The following SVOPL variants were observed in gnomAD, a reference collection of about 807,000 sequenced individuals.
SVOPL encodes the protein SVOP like.
SVOPL carries 60 observed loss-of-function variants against 61.0 expected under a neutral mutation model. That is an observed-to-expected ratio of 0.98 (90% CI 0.80 to 1.22). The LOEUF is 1.22. Ranked by LOEUF, SVOPL falls within the 50% of genes most tolerant of loss-of-function variation. The probability of loss-of-function intolerance (pLI) is 0.00; values close to 1 mark genes in which losing one functional copy is unlikely to be tolerated. For synonymous variants in SVOPL, 279 were observed against 250.0 expected, an observed-to-expected ratio of 1.12 and a Z score of -1.09; for missense variants, 662 against 643.9, an observed-to-expected ratio of 1.03 and a Z score of -0.30.
At position 138,637,443 on chromosome 7, in the gene SVOPL, G is replaced by GATATATATATATATCTAT. The variant is rs1563108511; in HGVS notation, c.789+7273_789+7274insATAGATATATATATATAT. The stretch of plus-strand genomic sequence containing the variant: ...ACTCCATCTCATATATATATATATA[G>GATATATATATATATCTAT]ATAGATAGATAGATATATATATATA... On this transcript the variant is annotated intron_variant, in intron 9 of 15. Coordinates refer to ENST00000674285, the MANE Select transcript of SVOPL (RefSeq NM_001139456.2). Among the ~76,000 whole-genome samples, 55 of 127,074 alleles carry GATATATATATATATCTAT rather than the reference G, an allele frequency of 4.3e-4. 3 individuals are homozygous for GATATATATATATATCTAT. The South Asian group carries it at 0.012, about 29-fold the overall frequency. 83.4% of individuals were successfully genotyped at this position (127,074 alleles called of 152,430 possible). A position where few individuals can be genotyped will look rare whatever the true frequency, so the allele number is the denominator to read the frequency against.
chr7:138,681,112 G>T (rs1437431336), intron 1 of SVOPL, among the ~76,000 whole-genome samples: 2 of 149,412 alleles, frequency 1.3e-5, no homozygotes, highest in Non-Finnish European at 1.5e-5. Flanking sequence ...ATTTAGCTAC[G>T]TAAAAAATTT....
At chr7:138,643,255 T>G (rs1382054514) in intron 9 of SVOPL, among the ~76,000 whole-genome samples, 1 of 151,734 alleles carries the variant, frequency 6.6e-6, no homozygotes, top group African/African-American at 2.4e-5. Flanking sequence ...TGAAACCCCG[T>G]CTCTACTAAA....
At chr7:138,656,841 G>A (rs182631053) in intron 6 of SVOPL, among the ~76,000 whole-genome samples, 165 of 152,062 alleles carry the variant, frequency 1.1e-3, no homozygotes, top group African/African-American at 3.7e-3. Context: ...TCAGGAGTTC[G>A]AGACCAGCCT....
At chr7:138,632,987 T>G (rs928857931) in intron 9 of SVOPL, among the ~76,000 whole-genome samples, 1 of 152,210 alleles carries the variant, frequency 6.6e-6, no homozygotes. Flanking sequence ...CTAAAGATTA[T>G]GTTGTAGTCT....
In SVOPL at chr7:138,656,529, A is replaced by G; in HGVS notation, c.471-18T>C. The stretch of plus-strand genomic sequence containing the variant: ...TGATTAACCTAAACAGGAAGCAGGA[A>G]AAAGCATAATTTTGTTTTAAAAAAC... On this transcript the variant is annotated intron_variant, in intron 6 of 15. Transcript: ENST00000674285. 6.2e-7 allele frequency: 1 copy of G among 1,612,786 alleles called. No individual in the cohort carries two copies. Among genetic ancestry groups the G allele is most frequent in the Non-Finnish European group, 8.5e-7 (1 of 1,179,696 alleles).
chr7:138,621,878 C>CTATG (rs1563095609), intron 13 of SVOPL, among the ~76,000 whole-genome samples: 10 of 43,396 alleles, frequency 2.3e-4, no homozygotes, highest in South Asian at 6.7e-4. Flanking sequence ...ATCTATCTAT[C>CTATG]TATCTATCTA....
At chr7:138,666,033 A>G (rs549579416) in intron 4 of SVOPL, among the ~76,000 whole-genome samples, 12 of 152,364 alleles carry the variant, frequency 7.9e-5, no homozygotes, top group African/African-American at 2.6e-4. Flanking sequence ...ACAAAAAACA[A>G]GAAACTGCTT....
At chr7:138,622,819 T>G (rs1208694281) in intron 13 of SVOPL, among the ~76,000 whole-genome samples, 2 of 152,180 alleles carry the variant, frequency 1.3e-5, no homozygotes, top group African/African-American at 4.8e-5. Context: ...AATTAATTGG[T>G]TTTTCATTGA....
At chr7:138,636,799 T>C (rs1484481197) in intron 9 of SVOPL, among the ~76,000 whole-genome samples, 6 of 152,070 alleles carry the variant, frequency 3.9e-5, no homozygotes, top group Non-Finnish European at 7.4e-5. Flanking sequence ...TTAACTAATT[T>C]ATTTATTTTG....
At chr7:138,605,991 T>A (rs375901380) in intron 14 of SVOPL, among the ~76,000 whole-genome samples, 5 of 73,718 alleles carry the variant, frequency 6.8e-5, no homozygotes, top group Admixed American at 1.8e-4. Context: ...AATTTTTTTT[T>A]AAATTGTTTT....
At position 138,596,446 on chromosome 7, in the gene SVOPL, G is replaced by A; in HGVS notation, c.1438C>T (p.Pro480Ser). ...VVCAISAFTL[P>S]IETKGRALQQ... is the part of the protein sequence containing the mutation. ...AGGGCCCGTCCTTTGGTTTCGATGGGGAGAGTGAATGCAGAAATGGCGCAT... is the reference window on the plus strand; with the variant it reads ...AGGGCCCGTCCTTTGGTTTCGATGGAGAGAGTGAATGCAGAAATGGCGCAT... Residue 480 changes from proline (P) to serine (S), a missense_variant, in exon 15 of 16, where the codon CCC (proline) becomes TCC (serine). Pro to Ser is a moderately conservative substitution (Grantham distance 74). Transcript: ENST00000674285. 1 of 1,613,902 alleles carries A rather than the reference G, an allele frequency of 6.2e-7. No individual in the cohort carries two copies.
intron 7 of SVOPL, among the ~76,000 whole-genome samples, chr7:138,652,998 G>A (rs755978482): frequency 1.1e-4 from 17 of 152,148 alleles, no homozygotes; most frequent in Non-Finnish European, 1.8e-4. Flanking sequence ...ACAGCATTAC[G>A]GCTGATATGG....
At chr7:138,594,674 C>CA in intron 15 of SVOPL, 53 bp from the exon 16 acceptor site, 1 of 1,347,954 alleles carries the variant, frequency 7.4e-7, no homozygotes, top group Non-Finnish European at 1.0e-6. Context: ...AAGTCTTGTC[C>CA]ATTCATACTG....
chr7:138,679,153 T>G (rs1211950101), intron 1 of SVOPL, 74 bp from the exon 2 acceptor site: 1 of 996,092 alleles, frequency 1.0e-6, no homozygotes, highest in African/African-American at 1.7e-5. Flanking sequence ...CCAGGCACAC[T>G]ACACACAAAA....
Position 138,594,539 on chromosome 7 carries a change from T to TA in SVOPL, c.*70dup. The TA allele has an allele frequency of 2.0e-6, 3 of 1,494,878 alleles. No individual in the cohort carries two copies. The highest frequency in any genetic ancestry group is 2.7e-6 in the Non-Finnish European group (3 of 1,101,010). The allele number at this position is 1,494,878 out of a possible 1,614,324, so 92.6% of individuals were successfully genotyped here. A position where few individuals can be genotyped will look rare whatever the true frequency, so the allele number is the denominator to read the frequency against. On this transcript the variant is annotated 3_prime_UTR_variant, in exon 16 of 16. Coordinates refer to ENST00000674285, the MANE Select transcript of SVOPL (RefSeq NM_001139456.2). ...AGCATACAGAAGTAAAACCAAGTTT[T>TA]AAAAAAATGCACCGCAGTTCTGAAG...
At chr7:138,666,870 T>G (rs1802277012) in intron 4 of SVOPL, among the ~76,000 whole-genome samples, 1 of 152,214 alleles carries the variant, frequency 6.6e-6, no homozygotes, top group Non-Finnish European at 1.5e-5. Flanking sequence ...ATATGTATGA[T>G]GCCAGCCTTG....
chr7:138,610,595 C>T (rs1798956077), intron 14 of SVOPL, among the ~76,000 whole-genome samples: 1 of 152,196 alleles, frequency 6.6e-6, no homozygotes, highest in Admixed American at 6.5e-5. Flanking sequence ...ATACAGCACA[C>T]ACAAACATAT....
At chr7:138,622,491 G>C (rs78880264) in intron 13 of SVOPL, among the ~76,000 whole-genome samples, 2 of 128,488 alleles carry the variant, frequency 1.6e-5, no homozygotes, top group Non-Finnish European at 3.3e-5. Context: ...GGCAGCGGCG[G>C]GCGGGGGGTC....
At chr7:138,631,676 C>G (rs546063227) in intron 9 of SVOPL, among the ~76,000 whole-genome samples, 1 of 152,248 alleles carries the variant, frequency 6.6e-6, no homozygotes, top group African/African-American at 2.4e-5. Flanking sequence ...TCAAGCAATC[C>G]TTGTGCTTCG....
Sources: allele counts gnomAD v4.1 joint callset (sites outside exome capture counted in the v4.1 genomes callset), GRCh38; gene constraint gnomAD v4.1.1; transcripts MANE v1.5; gene names NCBI Gene and HGNC (gene_info 2026-07-23, HGNC 2026-07-21).